Variants in DNAH3 observed in about 807,000 individuals in gnomAD.
The protein encoded by DNAH3 is dynein axonemal heavy chain 3.
Under a neutral mutation model 432.5 loss-of-function variants are expected in DNAH3, and 332 were observed. The observed-to-expected ratio is 0.77, with a 90% CI of 0.70 to 0.84. The LOEUF (loss-of-function observed/expected upper bound fraction) is 0.84, where lower values mean the gene tolerates loss of function less well. DNAH3 is among the 40% of genes least tolerant of loss of function. The probability of loss-of-function intolerance (pLI) is 0.00; values close to 1 mark genes in which losing one functional copy is unlikely to be tolerated. For missense variants in DNAH3, 4,861 were observed against 5,114.0 expected (o/e 0.95, Z 1.51); for synonymous variants, 1,956 against 1,900.2 (o/e 1.03, Z -0.76).
At chr16:21,010,626 A>G (rs2087547361) in intron 41 of DNAH3, among the ~76,000 whole-genome samples, 1 of 152,138 alleles carries the variant, frequency 6.6e-6, no homozygotes, top group Admixed American at 6.6e-5. Flanking sequence ...CATGTCTTGC[A>G]TATCATGAAA....
intron 20 of DNAH3, among the ~76,000 whole-genome samples, chr16:21,079,060 G>T (rs577967913): frequency 6.6e-6 from 1 of 152,344 alleles, no homozygotes; most frequent in South Asian, 2.1e-4. Flanking sequence ...ATGTGTGCAT[G>T]GAAAGTATAA....
chr16:21,031,971 G>T (rs1216577666), intron 36 of DNAH3, among the ~76,000 whole-genome samples: 3 of 151,810 alleles, frequency 2.0e-5, no homozygotes, highest in Non-Finnish European at 2.9e-5. Context: ...GGAGGTGGAG[G>T]TTGCAGTAAG....
At chr16:21,030,788 A>G (rs2088830256) in intron 37 of DNAH3, among the ~76,000 whole-genome samples, 1 of 152,182 alleles carries the variant, frequency 6.6e-6, no homozygotes, top group East Asian at 1.9e-4. Context: ...CAGGGCTAGG[A>G]GTCCAAACTG....
chr16:21,067,755 CT>C (rs1251635215), intron 23 of DNAH3, among the ~76,000 whole-genome samples: 2 of 18,060 alleles, frequency 1.1e-4, no homozygotes, highest in African/African-American at 2.8e-4. Context: ...GAAAGCCAGT[CT>C]TGGGGGGGGG....
At chr16:21,079,831 T>C (rs2091117134) in intron 20 of DNAH3, among the ~76,000 whole-genome samples, 1 of 152,116 alleles carries the variant, frequency 6.6e-6, no homozygotes, top group South Asian at 2.1e-4. Flanking sequence ...TGCTCGTTAA[T>C]GAGGAACATA....
intron 31 of DNAH3, among the ~76,000 whole-genome samples, chr16:21,046,181 T>C (rs1210439643): frequency 1.5e-5 from 2 of 135,372 alleles, no homozygotes; most frequent in Non-Finnish European, 3.2e-5. Context: ...TCTGTAGATG[T>C]CTATTAGGTC....
chr16:20,939,906 A>G (rs1596867111), intron 59 of DNAH3, among the ~76,000 whole-genome samples: 1 of 152,340 alleles, frequency 6.6e-6, no homozygotes, highest in East Asian at 1.9e-4. Context: ...GGTCTTTGAT[A>G]ACCCTTTCAG....
chr16:21,030,104 G>A (rs1021847719), intron 37 of DNAH3, among the ~76,000 whole-genome samples: 6 of 152,118 alleles, frequency 3.9e-5, no homozygotes, highest in African/African-American at 1.4e-4. Context: ...AGGATTACAC[G>A]TGTGAGCCTA....
intron 51 of DNAH3, among the ~76,000 whole-genome samples, chr16:20,970,456 G>A (rs572836288): frequency 6.6e-6 from 1 of 152,296 alleles, no homozygotes; most frequent in African/African-American, 2.4e-5. Flanking sequence ...CTGGGGAGGC[G>A]GAGGTTGCAG....
intron 18 of DNAH3, among the ~76,000 whole-genome samples, chr16:21,096,367 T>G (rs1433857678): frequency 6.6e-6 from 1 of 151,664 alleles, no homozygotes; most frequent in East Asian, 1.9e-4. Context: ...CCTGGGCTCA[T>G]GCAATCCCCC....
At chr16:20,946,688 T>C (rs2084058195) in intron 57 of DNAH3, among the ~76,000 whole-genome samples, 1 of 152,054 alleles carries the variant, frequency 6.6e-6, no homozygotes, top group African/African-American at 2.4e-5. Flanking sequence ...CAGTCACCTG[T>C]TATAATGTTG....
At chr16:21,075,733 C>A (rs1597320017) in intron 20 of DNAH3, among the ~76,000 whole-genome samples, 172 bp from the exon 21 acceptor site, 1 of 151,622 alleles carries the variant, frequency 6.6e-6, no homozygotes, top group African/African-American at 2.4e-5. Context: ...GGCAATATAG[C>A]AAAACCCCAT....
chr16:21,148,363 T>C (rs932050315), intron 1 of DNAH3, among the ~76,000 whole-genome samples: 8 of 152,164 alleles, frequency 5.3e-5, no homozygotes, highest in African/African-American at 1.9e-4. Flanking sequence ...GGTGAGAAGA[T>C]AGGTAACACA....
chr16:21,063,279 T>G (rs2090427603), intron 24 of DNAH3, among the ~76,000 whole-genome samples: 1 of 152,044 alleles, frequency 6.6e-6, no homozygotes, highest in Admixed American at 6.6e-5. Flanking sequence ...AAATTTGTAT[T>G]TTTTTAAATT....
chr16:20,965,402 C>G, exon 53 of DNAH3: 1 of 1,526,196 alleles, frequency 6.6e-7, no homozygotes, highest in Non-Finnish European at 8.8e-7. Context: ...TTGGATACCC[C>G]CCAGTAATCT....
At chr16:20,966,407 G>A (rs1367341712) in intron 52 of DNAH3, among the ~76,000 whole-genome samples, 1 of 151,998 alleles carries the variant, frequency 6.6e-6, no homozygotes, top group African/African-American at 2.4e-5. Flanking sequence ...TGGAGGCCTC[G>A]TTTTAAAAGC....
At chr16:21,039,184 T>C (rs1369898674) in intron 33 of DNAH3, among the ~76,000 whole-genome samples, 1 of 151,618 alleles carries the variant, frequency 6.6e-6, no homozygotes, top group East Asian at 1.9e-4. Flanking sequence ...TCTTCAATTC[T>C]GGAATAATTG....
intron 1 of DNAH3, among the ~76,000 whole-genome samples, chr16:21,156,826 CA>C (rs1268701765): frequency 6.6e-6 from 1 of 152,038 alleles, no homozygotes; most frequent in Admixed American, 6.6e-5. Flanking sequence ...CAAAGACAAG[CA>C]AAACTCTGCT....
At chr16:21,054,782 G>T (rs774922391) in intron 27 of DNAH3, among the ~76,000 whole-genome samples, 5 of 152,132 alleles carry the variant, frequency 3.3e-5, no homozygotes, top group Admixed American at 6.6e-5. Flanking sequence ...TGTGGAAAAG[G>T]CAAAATTATA....
Sources: allele counts gnomAD v4.1 joint callset (sites outside exome capture counted in the v4.1 genomes callset), GRCh38; gene constraint gnomAD v4.1.1; transcripts MANE v1.5; gene names NCBI Gene and HGNC (gene_info 2026-07-23, HGNC 2026-07-21).